Variants in CKM observed in about 807,000 individuals in gnomAD.
The protein encoded by CKM is creatine kinase, M-type.
CKM carries 28 observed loss-of-function variants against 35.4 expected under a neutral mutation model. The observed-to-expected ratio is 0.79, with a 90% CI of 0.59 to 1.08. The LOEUF (loss-of-function observed/expected upper bound fraction) is 1.08, where lower values mean the gene tolerates loss of function less well. Ranked by LOEUF, CKM falls within the 50% of genes least tolerant of loss-of-function variation. The pLI is 0.00. For missense variants in CKM, 484 were observed against 509.8 expected (o/e 0.95, Z 0.49); for synonymous variants, 215 against 204.4 (o/e 1.05, Z -0.44).
At chr19:45,319,792 CTTCT>C (rs1971195758) in intron 1 of CKM, 61 bp from the exon 2 acceptor site, 38 of 1,301,838 alleles carry the variant, frequency 2.9e-5, no homozygotes, top group Non-Finnish European at 3.4e-5. Context: ...TCTTCTTCTT[CTTCT>C]TTTTTTTTTT....
chr19:45,306,532 A>G lies in CKM; in HGVS notation c.*218T>C, dbSNP rs1297012066. 1 of 590,578 alleles carries G rather than the reference A, an allele frequency of 1.7e-6. No homozygotes were observed. 36.6% of individuals were successfully genotyped at this position (590,578 alleles called of 1,614,324 possible). A position where few individuals can be genotyped will look rare whatever the true frequency, so the allele number is the denominator to read the frequency against. ...TGGGGTGGAGCTCTGGGAAAAGAAG[A>G]GGACCCTGCCAGGGAGATATTTCAT... is the stretch of plus-strand genomic sequence containing the variant. On this transcript the variant is annotated 3_prime_UTR_variant, in exon 8 of 8. Transcript: ENST00000221476. The surrounding 1 kb of genome is among the most constrained non-coding windows in gnomAD (Gnocchi z 4.5).
Position 45,306,912 on chromosome 19 carries a change from A to T in CKM, c.984T>A (p.Ala328=). 1 of 1,614,032 alleles carries T rather than the reference A, an allele frequency of 6.2e-7. No homozygotes were observed. Among genetic ancestry groups the T allele is most frequent in the Non-Finnish European group, 8.5e-7 (1 of 1,180,040 alleles). Residue 328 remains alanine, a synonymous_variant, in exon 8 of 8, where the codon GCT becomes GCA. Transcript: ENST00000221476. This position sits in a 1 kb window ranked among gnomAD's most constrained non-coding sequence, Gnocchi z 4.5. ...ACACGTCAAATACTGAGCCCACGGC[A>T]GCTGTGTCCACGCCACCTGTGGGAG... ...QKRGTGGVDT[A]AVGSVFDVSN... is the part of the protein sequence containing the mutation.
intron 6 of CKM, 68 bp from the exon 7 acceptor site, chr19:45,307,718 C>T (rs1971067750): frequency 7.4e-7 from 1 of 1,359,842 alleles, no homozygotes; most frequent in Non-Finnish European, 1.0e-6. Context: ...GCAACATGGA[C>T]AGGGTCCGGA....
chr19:45,321,404 C>T (rs1971212685), intron 1 of CKM, among the ~76,000 whole-genome samples: 1 of 152,112 alleles, frequency 6.6e-6, no homozygotes, highest in Admixed American at 6.6e-5. Flanking sequence ...AGCTCAGCCT[C>T]TGGGTCGTCA....
At chr19:45,319,374 A>G (rs1159648405) in intron 2 of CKM, 147 bp downstream of exon 2, 3 of 661,550 alleles carry the variant, frequency 4.5e-6, no homozygotes, top group Non-Finnish European at 8.2e-6. Context: ...CTTTATGTAT[A>G]TTAATGCATT....
rs145633772 is a variant in CKM, at chr19:45,319,624, C to A, written c.90G>T (p.Met30Ile). ...AGAGTTCAAGGGTCAGTACCTTGGC[C>A]ATGTGGTTGTTATGTTTGCTGAGGT... ...YPDLSKHNNHMAKVLTLELYK... is the reference protein window; with the variant it reads ...YPDLSKHNNHIAKVLTLELYK... Residue 30 changes from methionine to isoleucine, a missense_variant, in exon 2 of 8, where the codon ATG (methionine) becomes ATT (isoleucine). By Grantham distance (10) the Met-to-Ile change is conservative. Coordinates refer to ENST00000221476, the MANE Select transcript of CKM (RefSeq NM_001824.5). 1.3e-4 allele frequency: 202 copies of A among 1,613,976 alleles called. No individual in the cohort carries two copies. The African/African-American group carries it at 2.3e-3, about 18-fold the overall frequency.
Position 45,313,497 on chromosome 19 carries a change from C to G in CKM, c.482-1577G>C, listed in dbSNP as rs1971128893. 2.0e-5 allele frequency among the ~76,000 whole-genome samples: 3 copies of G among 152,274 alleles called. No individual in the cohort carries two copies. The South Asian group carries it at 6.2e-4, about 32-fold the overall frequency. ...CAGGCCAATTCAGTTCATAACCTTA[C>G]AATGGCCTCGAGGTGTTCAAGTGAA... On this transcript the variant is annotated intron_variant, in intron 4 of 7. Coordinates refer to ENST00000221476, the MANE Select transcript of CKM (RefSeq NM_001824.5).
chr19:45,318,545 G>T (rs1241057801), intron 2 of CKM, among the ~76,000 whole-genome samples: 1 of 152,040 alleles, frequency 6.6e-6, no homozygotes, highest in Non-Finnish European at 1.5e-5. Context: ...AGGAGAAAGG[G>T]GAGCTTCAGA....
chr19:45,306,725 C>T lies in CKM; in HGVS notation c.*25G>A, dbSNP rs1377689263. On this transcript the variant is annotated 3_prime_UTR_variant, in exon 8 of 8. Coordinates refer to ENST00000221476, the MANE Select transcript of CKM (RefSeq NM_001824.5). This position sits in a 1 kb window ranked among gnomAD's most constrained non-coding sequence, Gnocchi z 4.5. ...GGCCCTCCCACTGGCTGGGTTCCAG[C>T]AGTCGGTGGCAGGTGGGCAGGCGCC... The T allele has an allele frequency of 6.2e-7, 1 of 1,613,476 alleles. No individual in the cohort carries two copies. The highest frequency in any genetic ancestry group is 8.5e-7 in the Non-Finnish European group (1 of 1,179,842).
intron 5 of CKM, among the ~76,000 whole-genome samples, chr19:45,308,954 G>A (rs1268809858): frequency 6.6e-6 from 1 of 152,124 alleles, no homozygotes; most frequent in African/African-American, 2.4e-5. Context: ...AAGGCTGGGT[G>A]CGGTGGCTCA....
At chr19:45,312,543 C>T (rs1260271423) in intron 4 of CKM, among the ~76,000 whole-genome samples, 1 of 151,936 alleles carries the variant, frequency 6.6e-6, no homozygotes, top group Non-Finnish European at 1.5e-5. Context: ...TTGCCTCAGC[C>T]TCTCAAGTAC....
chr19:45,317,347 G>A (rs1209441459), intron 3 of CKM, among the ~76,000 whole-genome samples: 1 of 152,088 alleles, frequency 6.6e-6, no homozygotes, highest in African/African-American at 2.4e-5. Flanking sequence ...GAGTGCAATG[G>A]CACGATCTCT....
intron 3 of CKM, 129 bp from the exon 4 acceptor site, chr19:45,315,726 T>C: frequency 7.9e-7 from 1 of 1,262,692 alleles, no homozygotes; most frequent in Non-Finnish European, 1.1e-6. Flanking sequence ...ACTGATTGGG[T>C]GTGTGGAGCC....
intron 6 of CKM, among the ~76,000 whole-genome samples, chr19:45,307,870 T>TG (rs1248401091): frequency 1.4e-5 from 2 of 147,116 alleles, no homozygotes; most frequent in Non-Finnish European, 3.0e-5. Flanking sequence ...AGGCGGGTTT[T>TG]TTTTTTTTTT....
intron 4 of CKM, among the ~76,000 whole-genome samples, chr19:45,314,079 AGAAG>A (rs577907657): frequency 6.8e-5 from 10 of 148,116 alleles, no homozygotes; most frequent in Admixed American, 1.3e-4. Context: ...GAGGGAGGAA[AGAAG>A]GAAGGAAGGA....
chr19:45,310,037 A>G (rs1452995258), intron 5 of CKM, among the ~76,000 whole-genome samples: 1 of 151,954 alleles, frequency 6.6e-6, no homozygotes, highest in African/African-American at 2.4e-5. Context: ...AGTCAAAACA[A>G]GTCTAGCAAT....
At position 45,322,356 on chromosome 19, in the gene CKM, T is replaced by C. The variant is rs574968636; in HGVS notation, c.-19+465A>G. On this transcript the variant is annotated intron_variant, in intron 1 of 7. Coordinates refer to ENST00000221476, the MANE Select transcript of CKM (RefSeq NM_001824.5). ...ATGCCCAGGACACTCATGTGTCCGC[T>C]ACTAAGTCAGAAACAAGGTCACAGG... Among the ~76,000 whole-genome samples, 80 of 152,188 alleles carry C rather than the reference T, an allele frequency of 5.3e-4. 3 individuals are homozygous for C. The South Asian group carries it at 0.016, about 31-fold the overall frequency.
At chr19:45,316,488 T>C (rs548538237) in intron 3 of CKM, among the ~76,000 whole-genome samples, 50 of 151,878 alleles carry the variant, frequency 3.3e-4, no homozygotes, top group Non-Finnish European at 4.9e-4. Flanking sequence ...TTTTTTTTCT[T>C]TTTTTTGGGC....
intron 5 of CKM, among the ~76,000 whole-genome samples, chr19:45,309,736 C>G (rs1971089687): frequency 6.6e-6 from 1 of 151,484 alleles, no homozygotes; most frequent in Admixed American, 6.6e-5. Context: ...GTGGCACATG[C>G]CTGTCGTCCT....
Sources: allele counts gnomAD v4.1 joint callset (sites outside exome capture counted in the v4.1 genomes callset), GRCh38; gene constraint gnomAD v4.1.1; non-coding constraint Gnocchi (gnomAD v3.1); transcripts MANE v1.5; gene names NCBI Gene and HGNC (gene_info 2026-07-23, HGNC 2026-07-21).